PDZD8: variants seen among roughly 807,000 people sequenced by gnomAD.
PDZD8 encodes the protein PDZ domain-containing protein 8.
PDZD8 carries 14 observed loss-of-function variants against 85.8 expected under a neutral mutation model. The ratio of observed to expected loss-of-function variants is 0.16; its 90% CI spans 0.11 to 0.26. PDZD8 has a LOEUF of 0.26. Among genes scored for constraint, PDZD8 ranks in the 10% least tolerant of loss-of-function variants. The probability of loss-of-function intolerance (pLI) is 1.00; values close to 1 mark genes in which losing one functional copy is unlikely to be tolerated. For missense variants in PDZD8, 1,197 were observed against 1,424.3 expected (o/e 0.84, Z 2.57); for synonymous variants, 592 against 568.6 (o/e 1.04, Z -0.59).
chr10:117,303,865 T>C (rs1160427027), intron 3 of PDZD8, among the ~76,000 whole-genome samples: 4 of 152,154 alleles, frequency 2.6e-5, no homozygotes, highest in South Asian at 4.1e-4. Flanking sequence ...TTTCAGAAGA[T>C]GTATGGAAAT....
chr10:117,367,693 G>A (rs548122161), intron 1 of PDZD8, among the ~76,000 whole-genome samples: 1 of 152,314 alleles, frequency 6.6e-6, no homozygotes, highest in African/African-American at 2.4e-5. Flanking sequence ...CAGCACTTTG[G>A]GAGGCCGAGG....
Position 117,282,398 on chromosome 10 carries a change from T to C in PDZD8, c.*870A>G, listed in dbSNP as rs994332208. 1.8e-4 allele frequency: 28 copies of C among 152,280 alleles called. No individual in the cohort carries two copies. Among genetic ancestry groups the C allele is most frequent in the African/African-American group, 6.5e-4 (27 of 41,566 alleles). 9.4% of individuals were successfully genotyped at this position (152,280 alleles called of 1,614,324 possible). A position where few individuals can be genotyped will look rare whatever the true frequency, so the allele number is the denominator to read the frequency against. On this transcript the variant is annotated 3_prime_UTR_variant, in exon 5 of 5. Transcript: ENST00000334464. ...TTTAATTATAAAATTTAAATTTCCA[T>C]TTAAAAGGAAAGCATCAATATTTTA...
chr10:117,375,112 G>A lies in PDZD8; in HGVS notation c.116C>T (p.Ala39Val), dbSNP rs745988505. The change falls in exon 1 of 5, where the codon GCC (alanine) becomes GTC (valine). Residue 39 changes from alanine to valine, a missense_variant. Physicochemically the swap from Ala to Val is moderately conservative, Grantham distance 64. Transcript: ENST00000334464. ...GTAGCGGAAGCCCTCGCCCGCGCGG[G>A]CGGCCTCGTCCGCCGGCGGCTCGGG... Reference protein sequence around the residue: ...RQPEPPADEAARAGEGFRYIK... With the variant: ...RQPEPPADEAVRAGEGFRYIK... 23 of 1,594,576 alleles carry A rather than the reference G, an allele frequency of 1.4e-5. No homozygotes were observed. The East Asian group carries it at 5.0e-4, about 34-fold the overall frequency.
At chr10:117,333,121 A>AAAAAAAAC (rs1844454138) in intron 2 of PDZD8, among the ~76,000 whole-genome samples, 1 of 137,586 alleles carries the variant, frequency 7.3e-6, no homozygotes, top group Non-Finnish European at 1.5e-5. Context: ...CTGTCTCAAA[A>AAAAAAAAC]AAAAAAAAAA....
chr10:117,283,380 T>C lies in PDZD8; in HGVS notation c.3353A>G (p.Lys1118Arg), dbSNP rs1329198941. The C allele has an allele frequency of 6.2e-7, 1 of 1,614,168 alleles. No individual in the cohort carries two copies. Among genetic ancestry groups the C allele is most frequent in the Non-Finnish European group, 8.5e-7 (1 of 1,179,980 alleles). Reference protein sequence around the residue: ...SLDQHSKKISKYTDDTEEDLD... With the variant: ...SLDQHSKKISRYTDDTEEDLD... ...GTCTTCTTCTGTATCATCTGTGTAC[T>C]TGCTTATTTTTTTGGAGTGCTGGTC... The change falls in exon 5 of 5, where the codon AAG becomes AGG. Residue 1118 changes from lysine (K) to arginine (R), a missense_variant. Physicochemically the swap from Lys to Arg is conservative, Grantham distance 26. Coordinates refer to ENST00000334464, the MANE Select transcript of PDZD8 (RefSeq NM_173791.5).
chr10:117,324,344 AAG>A (rs1305658292), intron 2 of PDZD8, among the ~76,000 whole-genome samples: 4 of 152,032 alleles, frequency 2.6e-5, no homozygotes, highest in African/African-American at 9.7e-5. Context: ...CAAAATTTGT[AAG>A]AGATTCCTAG....
At chr10:117,325,917 G>A (rs1006840041) in intron 2 of PDZD8, among the ~76,000 whole-genome samples, 23 of 152,206 alleles carry the variant, frequency 1.5e-4, no homozygotes, top group African/African-American at 2.6e-4. Flanking sequence ...TAATTGGATC[G>A]TGGGGATGGT....
At chr10:117,360,676 G>C (rs1418004634) in intron 1 of PDZD8, among the ~76,000 whole-genome samples, 1 of 151,682 alleles carries the variant, frequency 6.6e-6, no homozygotes, top group Admixed American at 6.6e-5. Context: ...TCAAGTAAAT[G>C]GTGCAGTCAA....
intron 3 of PDZD8, among the ~76,000 whole-genome samples, chr10:117,318,338 C>G (rs1564697920): frequency 6.6e-6 from 1 of 152,096 alleles, no homozygotes. Context: ...GCTTTGTTCA[C>G]TTTTTTTGTT....
chr10:117,320,966 T>C (rs552372343), intron 2 of PDZD8, among the ~76,000 whole-genome samples: 1 of 152,176 alleles, frequency 6.6e-6, no homozygotes, highest in South Asian at 2.1e-4. Context: ...TTATACCCAC[T>C]AGATTGGCTA....
At chr10:117,324,102 C>A (rs1008511352) in intron 2 of PDZD8, among the ~76,000 whole-genome samples, 1 of 150,680 alleles carries the variant, frequency 6.6e-6, no homozygotes, top group African/African-American at 2.4e-5. Context: ...GTAGTGCACA[C>A]CTGTAATCTC....
chr10:117,290,690 T>C (rs983710250), intron 3 of PDZD8, among the ~76,000 whole-genome samples: 1 of 152,074 alleles, frequency 6.6e-6, no homozygotes. Context: ...CTATATATTT[T>C]CTAATATATA....
chr10:117,346,686 A>G (rs1844714127), intron 1 of PDZD8, among the ~76,000 whole-genome samples: 1 of 152,158 alleles, frequency 6.6e-6, no homozygotes, highest in African/African-American at 2.4e-5. Context: ...GAAGCCAGGT[A>G]CATTCAGTAT....
At chr10:117,339,256 T>C (rs1298969054) in intron 2 of PDZD8, among the ~76,000 whole-genome samples, 3 of 152,228 alleles carry the variant, frequency 2.0e-5, no homozygotes, top group Non-Finnish European at 4.4e-5. Flanking sequence ...TACTTAATTG[T>C]ATTATGGGTT....
rs1589991211 is a variant in PDZD8, at chr10:117,281,959, G to A, written c.*1309C>T. ...GTATATAACAGACCGAAACCATTAA[G>A]GTACCCCAACAACAGTCGAGCTTAC... On this transcript the variant is annotated 3_prime_UTR_variant, in exon 5 of 5. Coordinates refer to ENST00000334464, the MANE Select transcript of PDZD8 (RefSeq NM_173791.5). 1 of 152,058 alleles carries A rather than the reference G, an allele frequency of 6.6e-6. No individual in the cohort carries two copies. Among genetic ancestry groups the A allele is most frequent in the Admixed American group, 6.6e-5 (1 of 15,264 alleles). The allele number at this position is 152,058 out of a possible 1,614,324, so 9.4% of individuals were successfully genotyped here.
Position 117,283,590 on chromosome 10 carries a change from T to G in PDZD8, c.3143A>C (p.Asp1048Ala). 6.2e-7 allele frequency: 1 copy of G among 1,614,178 alleles called. No individual in the cohort carries two copies. The highest frequency in any genetic ancestry group is 8.5e-7 in the Non-Finnish European group (1 of 1,180,018). ...GGAATTATTGTGTTCCAACTCCTGA[T>G]CAATTTCATTCTGTAGCTTATCCAA... ...FMLDKLQNEI[D>A]QELEHNNSLV... Residue 1048 changes from aspartate (D) to alanine (A), a missense_variant, in exon 5 of 5, where the codon GAT becomes GCT. Physicochemically the swap from Asp to Ala is moderately radical, Grantham distance 126. This residue lies in a region of PDZD8 where 418 missense variants were observed against 571.1 expected (regional missense o/e 0.73). Coordinates refer to ENST00000334464, the MANE Select transcript of PDZD8 (RefSeq NM_173791.5).
rs150361755 is a variant in PDZD8, at chr10:117,374,316, G to A, written c.872+40C>T. On this transcript the variant is annotated intron_variant, in intron 1 of 4. Coordinates refer to ENST00000334464, the MANE Select transcript of PDZD8 (RefSeq NM_173791.5). This position sits in a 1 kb window ranked among gnomAD's most constrained non-coding sequence, Gnocchi z 7.8. ...CACGCAGCGTCCCGCCCAGGCCCGG[G>A]TTCCCGGCAGCCAGGCCCCCTCCCC... 934 of 1,600,914 alleles carry A rather than the reference G, an allele frequency of 5.8e-4. 7 individuals carry two copies. In the African/African-American group the frequency reaches 0.011, roughly 19 times the overall value.
Position 117,283,743 on chromosome 10 carries a change from G to C in PDZD8, c.2990C>G (p.Thr997Arg). ...CTCTTTTCTCACTAACTTTATTCCT[G>C]TGCTGTTTCCCCGTTTAGAAGGACT... The part of the protein sequence containing the change: ...PNSPSKRGNS[T>R]GIKLVRKEGG... The change falls in exon 5 of 5, where the codon ACA becomes AGA. Residue 997 changes from threonine to arginine, a missense_variant. This residue lies in a region of PDZD8 where 418 missense variants were observed against 571.1 expected (regional missense o/e 0.73). Coordinates refer to ENST00000334464, the MANE Select transcript of PDZD8 (RefSeq NM_173791.5). 6.2e-7 allele frequency: 1 copy of C among 1,614,080 alleles called. No individual in the cohort carries two copies. The highest frequency in any genetic ancestry group is 8.5e-7 in the Non-Finnish European group (1 of 1,180,020).
At position 117,281,142 on chromosome 10, in the gene PDZD8, G is replaced by C. The variant is rs1190446097; in HGVS notation, c.*2126C>G. On this transcript the variant is annotated 3_prime_UTR_variant, in exon 5 of 5. Transcript: ENST00000334464. ...CCAGCACTTTGGGAGGCCGAGGCAG[G>C]TGGATCACGAGGTCAGGAGATCGAG... The C allele has an allele frequency of 6.6e-6, 1 of 152,098 alleles. No individual in the cohort carries two copies. The highest frequency in any genetic ancestry group is 1.5e-5 in the Non-Finnish European group (1 of 68,038). The allele number at this position is 152,098 out of a possible 1,614,324, so 9.4% of individuals were successfully genotyped here. A position where few individuals can be genotyped will look rare whatever the true frequency, so the allele number is the denominator to read the frequency against.
Sources: gnomAD v4.1 joint callset for allele counts (sites outside exome capture counted in the v4.1 genomes callset) on GRCh38, gnomAD v4.1.1 for gene constraint, gnomAD v4.1.1 regional missense constraint, Gnocchi (gnomAD v3.1) non-coding constraint, MANE v1.5 for transcripts, NCBI Gene and HGNC (gene_info 2026-07-23, HGNC 2026-07-21) for gene names.